The following PALM2AKAP2 variants were observed in gnomAD, a reference collection of about 807,000 sequenced individuals.
PALM2AKAP2 encodes the protein PALM2 and AKAP2 fusion, also known as PALM2-AKAP2 fusion protein.
In PALM2AKAP2, 37 loss-of-function variants were observed where a neutral mutation model predicts 71.5. The observed-to-expected ratio is 0.52, with a 90% CI of 0.40 to 0.68. The LOEUF is 0.68. PALM2AKAP2 is among the 30% of genes least tolerant of loss of function. The pLI, the probability that PALM2AKAP2 is intolerant of heterozygous loss-of-function variation, is 0.00. For missense variants in PALM2AKAP2, 1,224 were observed against 1,191.8 expected (o/e 1.03, Z -0.40); for synonymous variants, 468 against 478.8 (o/e 0.98, Z 0.29).
chr9:109,763,861 G>GGT (rs371164191), intron 1 of PALM2AKAP2, among the ~76,000 whole-genome samples: 42 of 151,906 alleles, frequency 2.8e-4, no homozygotes, highest in Middle Eastern at 3.4e-3. Context: ...TTCCCCTCTG[G>GGT]GTGTGTGTGT....
Position 109,770,639 on chromosome 9 carries a change from C to T in PALM2AKAP2, c.6-9849C>T, listed in dbSNP as rs1326407077. Among the ~76,000 whole-genome samples, 11 of 152,306 alleles carry T rather than the reference C, an allele frequency of 7.2e-5. No individual in the cohort carries two copies. The East Asian group carries it at 2.1e-3, about 29-fold the overall frequency. ...GACCAGGTTAGCAACCAGTCAAGAACATTCATGAGCAAATGCTGGTCTAGT... is the reference window on the plus strand; with the variant it reads ...GACCAGGTTAGCAACCAGTCAAGAATATTCATGAGCAAATGCTGGTCTAGT... On this transcript the variant is annotated intron_variant, in intron 1 of 6. Transcript: ENST00000374531.
At chr9:109,899,875 T>C (rs1830290920) in intron 3 of PALM2AKAP2, among the ~76,000 whole-genome samples, 2 of 152,226 alleles carry the variant, frequency 1.3e-5, no homozygotes, top group African/African-American at 4.8e-5. Context: ...TAATGTTTCC[T>C]GTGGGCATAT....
chr9:110,165,741 G>A (rs898430115), intron 3 of PALM2AKAP2, among the ~76,000 whole-genome samples: 2 of 152,014 alleles, frequency 1.3e-5, no homozygotes, highest in African/African-American at 2.4e-5. Flanking sequence ...TATACTTTTC[G>A]TCACTAAACT....
intron 3 of PALM2AKAP2, among the ~76,000 whole-genome samples, chr9:109,909,295 T>C (rs965126712): frequency 3.9e-5 from 6 of 152,248 alleles, no homozygotes; most frequent in African/African-American, 1.4e-4. Context: ...GACCAGTTTC[T>C]TTTTAATCTG....
At chr9:110,023,232 C>T (rs12238514) in intron 7 of PALM2AKAP2, among the ~76,000 whole-genome samples, 27,006 of 150,878 alleles carry the variant, frequency 0.18, 3,135 homozygotes, top group Admixed American at 0.29. Flanking sequence ...ACATCCTCTC[C>T]AGCACCTGTT....
chr9:109,907,920 A>G (rs1464347536), intron 3 of PALM2AKAP2, among the ~76,000 whole-genome samples: 2 of 152,216 alleles, frequency 1.3e-5, no homozygotes, highest in African/African-American at 2.4e-5. Context: ...TGTTTCAGGT[A>G]CAATTAAGTC....
chr9:109,797,432 C>G (rs10816868), intron 1 of PALM2AKAP2, among the ~76,000 whole-genome samples: 27,241 of 152,242 alleles, frequency 0.18, 2,849 homozygotes, highest in East Asian at 0.34. Flanking sequence ...ATCTCCCCTC[C>G]GCATGGAAAG....
intron 1 of PALM2AKAP2, among the ~76,000 whole-genome samples, chr9:109,671,246 A>G (rs971993402): frequency 3.3e-5 from 5 of 152,076 alleles, no homozygotes; most frequent in East Asian, 1.9e-4. Context: ...TGGGTTTTAC[A>G]TTTGTCTTTA....
chr9:109,728,861 G>A (rs1828513754), intron 1 of PALM2AKAP2, among the ~76,000 whole-genome samples: 1 of 152,126 alleles, frequency 6.6e-6, no homozygotes, highest in Non-Finnish European at 1.5e-5. Context: ...GCCCTGAATT[G>A]CACTGGAGAA....
At chr9:109,796,488 A>G (rs1827256610) in intron 1 of PALM2AKAP2, among the ~76,000 whole-genome samples, 1 of 152,240 alleles carries the variant, frequency 6.6e-6, no homozygotes, top group Non-Finnish European at 1.5e-5. Context: ...ATGTTATATA[A>G]AAAGTCTGTG....
Position 110,025,384 on chromosome 9 carries a change from G to C in PALM2AKAP2, c.582+9345G>C, listed in dbSNP as rs1451423296. On this transcript the variant is annotated intron_variant, in intron 7 of 9. Transcript: ENST00000302798. ...TTTGGCGAATTACTGGAAGATGGAG[G>C]TTCCGCCCGAAAGGCTTTTTTTTTT... is the stretch of plus-strand genomic sequence containing the variant. The C allele has an allele frequency of 4.3e-5, 37 of 855,658 alleles. 1 individual carries two copies. The South Asian group carries it at 5.0e-4, about 12-fold the overall frequency. The allele number at this position is 855,658 out of a possible 1,614,324, so 53.0% of individuals were successfully genotyped here. A position where few individuals can be genotyped will look rare whatever the true frequency, so the allele number is the denominator to read the frequency against.
At chr9:109,677,099 C>G (rs1267035117) in intron 1 of PALM2AKAP2, among the ~76,000 whole-genome samples, 1 of 152,056 alleles carries the variant, frequency 6.6e-6, no homozygotes, top group Non-Finnish European at 1.5e-5. Context: ...TATGCAGGAT[C>G]AAGGGAGGTT....
intron 1 of PALM2AKAP2, among the ~76,000 whole-genome samples, chr9:109,641,982 T>C (rs1411669031): frequency 2.6e-5 from 4 of 152,200 alleles, no homozygotes; most frequent in Non-Finnish European, 5.9e-5. Flanking sequence ...CCTAGCCTGA[T>C]ACTGCTGTTA....
chr9:109,867,284 C>G, intron 1 of PALM2AKAP2: 1 of 513,668 alleles, frequency 1.9e-6, no homozygotes, highest in Non-Finnish European at 3.5e-6. Flanking sequence ...ATTTCTCCCA[C>G]TCTTCGAGCC....
intron 1 of PALM2AKAP2, among the ~76,000 whole-genome samples, chr9:109,647,489 G>A (rs1478382309): frequency 1.3e-5 from 2 of 152,210 alleles, no homozygotes; most frequent in Non-Finnish European, 2.9e-5. Context: ...GAGTGAATAT[G>A]CACATTGTGA....
chr9:110,119,531 G>A (rs1835440566), intron 1 of PALM2AKAP2, among the ~76,000 whole-genome samples: 1 of 152,084 alleles, frequency 6.6e-6, no homozygotes, highest in Non-Finnish European at 1.5e-5. Context: ...AAAGCATTGT[G>A]TATTTTAAAG....
intron 1 of PALM2AKAP2, among the ~76,000 whole-genome samples, chr9:109,764,740 G>A (rs1479844220): frequency 2.6e-5 from 4 of 152,132 alleles, no homozygotes; most frequent in Admixed American, 1.3e-4. Context: ...ATGGATGGAC[G>A]GATGGATGGA....
upstream of PALM2AKAP2, among the ~76,000 whole-genome samples, chr9:110,044,344 C>CTTTTTTTTTTTTTTTTTTTTTTTT (rs57314430): frequency 8.6e-4 from 69 of 80,154 alleles, no homozygotes; most frequent in Non-Finnish European, 9.4e-4. Flanking sequence ...TTCTTTCTTT[C>CTTTTTTTTTTTTTTTTTTTTTTTT]TTTTTTTTTT....
intron 1 of PALM2AKAP2, among the ~76,000 whole-genome samples, chr9:109,738,121 T>C (rs1345617898): frequency 1.3e-5 from 2 of 152,246 alleles, no homozygotes; most frequent in East Asian, 3.8e-4. Flanking sequence ...ATATAATCTA[T>C]TGCACTTGCT....
Sources: gnomAD v4.1 joint callset for allele counts (sites outside exome capture counted in the v4.1 genomes callset) on GRCh38, gnomAD v4.1.1 for gene constraint, MANE v1.5 for transcripts, NCBI Gene and HGNC (gene_info 2026-07-23, HGNC 2026-07-21) for gene names.